ANKRD30BL: variants seen among roughly 807,000 people sequenced by gnomAD.
ANKRD30BL encodes the protein ankyrin repeat domain 30B like, also known as putative ankyrin repeat domain-containing protein 30B-like.
ANKRD30BL carries 20 observed loss-of-function variants against 18.4 expected under a neutral mutation model. The observed-to-expected ratio is 1.09, with a 90% CI of 0.77 to 1.58. The LOEUF (loss-of-function observed/expected upper bound fraction) is 1.58. Among genes scored for constraint, ANKRD30BL ranks in the 40% most tolerant of loss-of-function variants. ANKRD30BL has a pLI of 0.00. For synonymous variants in ANKRD30BL, 72 were observed against 100.9 expected (o/e 0.71, Z 1.72); for missense variants, 224 against 268.6 (o/e 0.83, Z 1.16).
intron 1 of ANKRD30BL, among the ~76,000 whole-genome samples, chr2:132,217,143 G>T (rs1221411507): frequency 6.6e-6 from 1 of 152,028 alleles, no homozygotes; most frequent in African/African-American, 2.4e-5. Flanking sequence ...TGTGATGTCA[G>T]CATTCCACTC....
rs199723844 is a variant in ANKRD30BL at position 132,235,260 on chromosome 2, T to C, written n.441+22269A>G. ...TGAATGGGCAAAAACTGGAAGCATTTCCTTTGAAAACTGGCACAAGACAGG... is the reference window on the plus strand; with the variant it reads ...TGAATGGGCAAAAACTGGAAGCATTCCCTTTGAAAACTGGCACAAGACAGG... On this transcript the variant is annotated intron_variant and non_coding_transcript_variant, in intron 1 of 4. Transcript: ENST00000470729. Among the ~76,000 whole-genome samples, 543 of 151,782 alleles carry C rather than the reference T, an allele frequency of 3.6e-3. 7 individuals carry two copies. Among genetic ancestry groups the C allele is most frequent in the Admixed American group, 0.022 (333 of 15,186 alleles).
rs373258793 is a variant in ANKRD30BL, at chr2:132,221,034, A to C, written n.441+36495T>G. 6.5e-5 allele frequency among the ~76,000 whole-genome samples: 9 copies of C among 138,978 alleles called. No individual in the cohort carries two copies. In the South Asian group the frequency reaches 2.1e-3, roughly 33 times the overall value. The allele number at this position is 138,978 out of a possible 152,430, so 91.2% of individuals were successfully genotyped here. A position where few individuals can be genotyped will look rare whatever the true frequency, so the allele number is the denominator to read the frequency against. Reference sequence around the variant, plus strand: ...CCGCCGCCCTGTCTGGGATGTGAGGAGCGCCTCTGCCCGGCCGCCCCGTCT... The same window carrying C: ...CCGCCGCCCTGTCTGGGATGTGAGGCGCGCCTCTGCCCGGCCGCCCCGTCT... On this transcript the variant is annotated intron_variant and non_coding_transcript_variant, in intron 1 of 4. Transcript: ENST00000470729.
chr2:132,175,392 G>T (rs576958387), intron 1 of ANKRD30BL, among the ~76,000 whole-genome samples: 1 of 152,346 alleles, frequency 6.6e-6, no homozygotes, highest in Admixed American at 6.5e-5. Flanking sequence ...GTGGAGTAAA[G>T]AACAATAAAG....
chr2:132,196,977 G>C (rs1268206398), intron 1 of ANKRD30BL, among the ~76,000 whole-genome samples: 5 of 152,232 alleles, frequency 3.3e-5, no homozygotes, highest in Non-Finnish European at 7.3e-5. Context: ...ACACATGTAT[G>C]ATAGGAGTTT....
chr2:132,238,296 AT>A (rs1247019712), intron 1 of ANKRD30BL, among the ~76,000 whole-genome samples: 2 of 152,006 alleles, frequency 1.3e-5, no homozygotes, highest in African/African-American at 4.8e-5. Flanking sequence ...GGAAACAGGA[AT>A]GTCTTCACAT....
chr2:132,254,194 C>A (rs566259704), intron 1 of ANKRD30BL, among the ~76,000 whole-genome samples: 1 of 152,050 alleles, frequency 6.6e-6, no homozygotes, highest in Admixed American at 6.6e-5. Context: ...CTTTCTACCC[C>A]CTCTCTCCCT....
chr2:132,175,170 A>ACTG, intron 1 of ANKRD30BL, among the ~76,000 whole-genome samples: 5 of 150,592 alleles, frequency 3.3e-5, no homozygotes, highest in Non-Finnish European at 5.9e-5. Flanking sequence ...GACGTGCACC[A>ACTG]GCACCGGACT....
rs368466155 is a variant in ANKRD30BL, at chr2:132,239,097, G to A, written n.441+18432C>T. The stretch of plus-strand genomic sequence containing the variant: ...GTATCTGGAAGTGGACATTTGGAGC[G>A]CTTTAGCGCCTGTGGTAAAAAAGGA... On this transcript the variant is annotated intron_variant and non_coding_transcript_variant, in intron 1 of 4. Transcript: ENST00000470729. Among the ~76,000 whole-genome samples the A allele has an allele frequency of 2.3e-4, 35 of 152,094 alleles. No individual in the cohort carries two copies. The East Asian group carries it at 5.8e-3, about 25-fold the overall frequency.
intron 1 of ANKRD30BL, among the ~76,000 whole-genome samples, chr2:132,255,816 G>A (rs1558745466): frequency 1.3e-5 from 2 of 152,104 alleles, no homozygotes; most frequent in South Asian, 2.1e-4. Context: ...TAGGCACAGC[G>A]ACTACCATAG....
chr2:132,249,988 T>C (rs980671025), intron 1 of ANKRD30BL, among the ~76,000 whole-genome samples: 2 of 152,214 alleles, frequency 1.3e-5, no homozygotes, highest in Admixed American at 1.3e-4. Context: ...TGTGAAGATA[T>C]TTCCTTTTTC....
At chr2:132,187,188 G>GTTTTTTTT (rs1193358076) in intron 1 of ANKRD30BL, among the ~76,000 whole-genome samples, 14 of 90,628 alleles carry the variant, frequency 1.5e-4, no homozygotes, top group Non-Finnish European at 2.0e-4. Flanking sequence ...TTTTTTGTTT[G>GTTTTTTTT]TTTTTTTTTT....
At chr2:132,209,661 G>A (rs2104755621) in intron 1 of ANKRD30BL, among the ~76,000 whole-genome samples, 1 of 152,072 alleles carries the variant, frequency 6.6e-6, no homozygotes, top group Admixed American at 6.6e-5. Context: ...TCAGTTTGGG[G>A]CCTGTGGTAG....
chr2:132,206,013 A>T (rs1335803421), intron 1 of ANKRD30BL, among the ~76,000 whole-genome samples: 1 of 151,588 alleles, frequency 6.6e-6, no homozygotes, highest in East Asian at 2.0e-4. Flanking sequence ...CAAAAATTAA[A>T]CGGGCATGGT....
chr2:132,170,038 G>A lies in ANKRD30BL; in HGVS notation n.442-12892C>T, dbSNP rs535243111. On this transcript the variant is annotated intron_variant and non_coding_transcript_variant, in intron 1 of 4. Coordinates refer to the ANKRD30BL transcript ENST00000470729. ...CTCAACATCCAGTAGAAGGAACTGT[G>A]TATTAATTACACAGTTTCTTTTTCT... Among the ~76,000 whole-genome samples the A allele has an allele frequency of 5.3e-5, 8 of 152,172 alleles. No homozygotes were observed. In the South Asian group the frequency reaches 8.3e-4, roughly 16 times the overall value.
intron 1 of ANKRD30BL, among the ~76,000 whole-genome samples, chr2:132,202,058 C>T (rs10191022): frequency 3.9e-5 from 6 of 152,084 alleles, no homozygotes; most frequent in East Asian, 1.9e-4. Context: ...AACCAAACAC[C>T]GCATATTCTC....
intron 1 of ANKRD30BL, among the ~76,000 whole-genome samples, chr2:132,219,335 A>G (rs1489373413): frequency 6.6e-6 from 1 of 151,934 alleles, no homozygotes; most frequent in Admixed American, 6.6e-5. Context: ...ACTAGACAGA[A>G]GCTTTCTCAG....
chr2:132,199,117 C>T (rs1436825498), intron 1 of ANKRD30BL, among the ~76,000 whole-genome samples: 6 of 151,948 alleles, frequency 3.9e-5, no homozygotes, highest in Non-Finnish European at 7.4e-5. Flanking sequence ...CTTGGGAGGC[C>T]GAGGCGGGCA....
intron 1 of ANKRD30BL, among the ~76,000 whole-genome samples, chr2:132,238,744 G>A (rs543206235): frequency 6.6e-6 from 1 of 152,034 alleles, no homozygotes; most frequent in East Asian, 1.9e-4. Flanking sequence ...ATCTGCAAGT[G>A]GATATGTGGA....
chr2:132,159,676 ACACT>A (rs1347698797), intron 1 of ANKRD30BL, among the ~76,000 whole-genome samples: 2 of 152,214 alleles, frequency 1.3e-5, no homozygotes, highest in African/African-American at 2.4e-5. Context: ...ATGTATACAC[ACACT>A]CACATACATG....
Sources: allele counts gnomAD v4.1 joint callset (sites outside exome capture counted in the v4.1 genomes callset), GRCh38; gene constraint gnomAD v4.1.1; transcripts MANE v1.5; gene names NCBI Gene and HGNC (gene_info 2026-07-23, HGNC 2026-07-21).